Variants in CACNB3 observed in about 807,000 individuals in gnomAD.
CACNB3 encodes calcium voltage-gated channel auxiliary subunit beta 3.
Under a neutral mutation model 63.7 loss-of-function variants are expected in CACNB3, and 36 were observed. The ratio of observed to expected loss-of-function variants is 0.57; its 90% CI spans 0.43 to 0.75. CACNB3 has a LOEUF of 0.75. Among genes scored for constraint, CACNB3 ranks in the 30% least tolerant of loss-of-function variants. CACNB3 has a pLI of 0.00. For synonymous variants in CACNB3, 241 were observed against 250.6 expected, an observed-to-expected ratio of 0.96 and a Z score of 0.36; for missense variants, 493 against 648.6, an observed-to-expected ratio of 0.76 and a Z score of 2.61.
In CACNB3 at chr12:48,825,290, C is replaced by G. The variant is rs753528982; in HGVS notation, c.573+47C>G. On this transcript the variant is annotated intron_variant, in intron 7 of 12. Coordinates refer to ENST00000301050, the MANE Select transcript of CACNB3 (RefSeq NM_000725.4). This position sits in a 1 kb window ranked among gnomAD's most constrained non-coding sequence, Gnocchi z 4.5. ...CAAAGAGTCACCTCTACCAAGCCTG[C>G]CACAGGAAGTCCCTAGGGAAAGTGG... 13 of 1,589,798 alleles carry G rather than the reference C, an allele frequency of 8.2e-6. No individual in the cohort carries two copies. Among genetic ancestry groups the G allele is most frequent in the African/African-American group, 2.7e-5 (2 of 74,432 alleles).
In CACNB3 at chr12:48,828,215, T is replaced by A; in HGVS notation, c.*316T>A. On this transcript the variant is annotated 3_prime_UTR_variant, in exon 13 of 13. Coordinates refer to ENST00000301050, the MANE Select transcript of CACNB3 (RefSeq NM_000725.4). ...CAGTGCCCTCAGGCCAGGATCCCCT[T>A]AGCAGGGTCCTTCCCACCAGACTCA... 2.4e-6 allele frequency: 1 copy of A among 422,750 alleles called. No homozygotes were observed. The highest frequency in any genetic ancestry group is 4.7e-5 in the East Asian group (1 of 21,180). 26.2% of individuals were successfully genotyped at this position (422,750 alleles called of 1,614,324 possible). A position where few individuals can be genotyped will look rare whatever the true frequency, so the allele number is the denominator to read the frequency against.
At chr12:48,819,791 T>A (rs947111096) in intron 1 of CACNB3, 5 of 393,826 alleles carry the variant, frequency 1.3e-5, no homozygotes, top group Admixed American at 3.0e-5. Flanking sequence ...TTCTCCTCTT[T>A]GCTTTTATCT....
In CACNB3 at chr12:48,823,483, T is replaced by C; in HGVS notation, c.168+17T>C. On this transcript the variant is annotated intron_variant, in intron 2 of 12. Transcript: ENST00000301050. The surrounding 1 kb of genome is among the most constrained non-coding windows in gnomAD (Gnocchi z 4.2). ...AGGGCCAAGGTATACTTTCTGGGCATGGGGCAAGACAGGAGGCCAAGCTAG... is the reference window on the plus strand; with the variant it reads ...AGGGCCAAGGTATACTTTCTGGGCACGGGGCAAGACAGGAGGCCAAGCTAG... 6.2e-7 allele frequency: 1 copy of C among 1,612,762 alleles called. No individual in the cohort carries two copies. Among genetic ancestry groups the C allele is most frequent in the Middle Eastern group, 1.7e-4 (1 of 6,050 alleles).
chr12:48,827,473 A>T, intron 12 of CACNB3, 112 bp from the exon 13 acceptor site: 3 of 1,053,886 alleles, frequency 2.8e-6, no homozygotes, highest in Non-Finnish European at 4.1e-6. Flanking sequence ...TTTTCCTTGC[A>T]CTATTTCCTT....
rs201798173 is a variant in CACNB3 at position 48,827,632 on chromosome 12, G to A, written c.1188G>A (p.Glu396=). 7 of 1,613,678 alleles carry A rather than the reference G, an allele frequency of 4.3e-6. No homozygotes were observed. The East Asian group carries it at 1.3e-4, about 31-fold the overall frequency. Residue 396 remains glutamate (E), a synonymous_variant, in exon 13 of 13, where the codon GAG becomes GAA. Transcript: ENST00000301050. The part of the protein sequence containing the change: ...GERGEEHSPL[E]RDSLMPSDEA... ...GTGGCGAGGAGCACTCCCCCCTTGA[G>A]CGGGACAGCTTGATGCCCTCTGATG...
At position 48,825,465 on chromosome 12, in the gene CACNB3, A is replaced by C. The variant is rs773833479; in HGVS notation, c.605A>C (p.Asp202Ala). 1 of 1,614,120 alleles carries C rather than the reference A, an allele frequency of 6.2e-7. No homozygotes were observed. The highest frequency in any genetic ancestry group is 8.5e-7 in the Non-Finnish European group (1 of 1,180,016). ...VTDMMQKALF[D>A]FLKHRFDGRI... ...GACATGATGCAGAAGGCTCTCTTCG[A>C]CTTCCTCAAACACAGATTTGATGGC... The change falls in exon 8 of 13, where the codon GAC becomes GCC. Residue 202 changes from aspartate to alanine, a missense_variant. Coordinates refer to ENST00000301050, the MANE Select transcript of CACNB3 (RefSeq NM_000725.4). The surrounding 1 kb of genome is among the most constrained non-coding windows in gnomAD (Gnocchi z 4.5).
rs1938252594 is a variant in CACNB3 at position 48,828,178 on chromosome 12, T to G, written c.*279T>G. The G allele has an allele frequency of 2.0e-6, 1 of 507,322 alleles. No individual in the cohort carries two copies. Among genetic ancestry groups the G allele is most frequent in the African/African-American group, 1.9e-5 (1 of 51,964 alleles). The allele number at this position is 507,322 out of a possible 1,614,324, so 31.4% of individuals were successfully genotyped here. A position where few individuals can be genotyped will look rare whatever the true frequency, so the allele number is the denominator to read the frequency against. ...CTTCCTCTCCTCCCACACAGGAAGC[T>G]GCCCCACTGGGCAGTGCCCTCAGGC... is the stretch of plus-strand genomic sequence containing the variant. On this transcript the variant is annotated 3_prime_UTR_variant, in exon 13 of 13. Coordinates refer to ENST00000301050, the MANE Select transcript of CACNB3 (RefSeq NM_000725.4).
chr12:48,815,747 TG>T, upstream of CACNB3: 1 of 446,682 alleles, frequency 2.2e-6, no homozygotes, highest in Non-Finnish European at 3.6e-6. Flanking sequence ...GGGGGGGGTG[TG>T]GGGTCGTGGG....
At chr12:48,815,642 G>C (rs1363313841), upstream of CACNB3, 2 of 1,534,728 alleles carry the variant, frequency 1.3e-6, no homozygotes, top group East Asian at 2.4e-5. Flanking sequence ...CTCCCGCCTC[G>C]GAGCCCCTGG....
rs1938179618 is a variant in CACNB3 at position 48,827,062 on chromosome 12, C to T, written c.1079C>T (p.Thr360Met). 4.3e-6 allele frequency: 7 copies of T among 1,613,490 alleles called. No individual in the cohort carries two copies. Among genetic ancestry groups the T allele is most frequent in the Non-Finnish European group, 5.9e-6 (7 of 1,180,012 alleles). Residue 360 changes from threonine (T) to methionine (M), a missense_variant, in exon 12 of 13, where the codon ACG (threonine) becomes ATG (methionine). Transcript: ENST00000301050. ...AEYLEVYWRA[T>M]HHPAPGPGLL... ...TACCTGGAGGTTTACTGGCGGGCCACGCACCACCCAGCCCCTGGCCCCGGA... is the reference window on the plus strand; with the variant it reads ...TACCTGGAGGTTTACTGGCGGGCCATGCACCACCCAGCCCCTGGCCCCGGA...
upstream of CACNB3, chr12:48,815,869 G>A: frequency 7.2e-6 from 5 of 696,482 alleles, no homozygotes; most frequent in South Asian, 6.6e-5. Flanking sequence ...AGGAAGTGAG[G>A]CCAGGGGTGG....
rs1488767167 is a variant in CACNB3, at chr12:48,826,651, T to C, written c.895-108T>C. On this transcript the variant is annotated intron_variant, in intron 10 of 12. Transcript: ENST00000301050. The surrounding 1 kb of genome is among the most constrained non-coding windows in gnomAD (Gnocchi z 4.8). The stretch of plus-strand genomic sequence containing the variant: ...CCCTTAACACAACTCTGAGTCATCC[T>C]CACCTGCTACTGATGCCACAAGTGG... The C allele has an allele frequency of 2.8e-6, 4 of 1,418,192 alleles. No individual in the cohort carries two copies. Among genetic ancestry groups the C allele is most frequent in the Admixed American group, 1.7e-5 (1 of 59,042 alleles). The allele number at this position is 1,418,192 out of a possible 1,614,324, so 87.9% of individuals were successfully genotyped here. A position where few individuals can be genotyped will look rare whatever the true frequency, so the allele number is the denominator to read the frequency against.
Position 48,827,578 on chromosome 12 carries a change from C to T in CACNB3, c.1141-7C>T. The T allele has an allele frequency of 1.2e-6, 2 of 1,609,574 alleles. No individual in the cohort carries two copies. The highest frequency in any genetic ancestry group is 1.7e-6 in the Non-Finnish European group (2 of 1,177,722). ...TGCCTCACTGAGAGCTGTTGTATGG[C>T]CCCCAGAACCAGCAGCTGCTGGGGG... On this transcript the variant is annotated splice_region_variant and splice_polypyrimidine_tract_variant and intron_variant, in intron 12 of 12. Coordinates refer to ENST00000301050, the MANE Select transcript of CACNB3 (RefSeq NM_000725.4).
upstream of CACNB3, chr12:48,814,544 C>G: frequency 6.5e-7 from 1 of 1,527,556 alleles, no homozygotes; most frequent in East Asian, 2.5e-5. This position sits in a 1 kb window ranked among gnomAD's most constrained non-coding sequence, Gnocchi z 6.9. Flanking sequence ...CCCTCGAGAC[C>G]AGGATGGAGG....
rs1937969095 is a variant in CACNB3, at chr12:48,823,611, G to A, written c.169-70G>A. ...TGGGCAGAGGCCACGGCCTTCTGCT[G>A]TTGGGGCACTGAAGCTGGAAGGGGT... On this transcript the variant is annotated intron_variant, in intron 2 of 12. Coordinates refer to ENST00000301050, the MANE Select transcript of CACNB3 (RefSeq NM_000725.4). The surrounding 1 kb of genome is among the most constrained non-coding windows in gnomAD (Gnocchi z 4.2). 3.7e-6 allele frequency: 6 copies of A among 1,611,824 alleles called. No individual in the cohort carries two copies. The highest frequency in any genetic ancestry group is 5.1e-6 in the Non-Finnish European group (6 of 1,178,646).
intron 1 of CACNB3, chr12:48,819,502 C>G (rs1169885289): frequency 6.5e-6 from 2 of 309,976 alleles, no homozygotes; most frequent in Non-Finnish European, 6.5e-6. Context: ...CTCCATTATT[C>G]CCTTCCACCC....
At chr12:48,824,914 A>C in intron 5 of CACNB3, 35 bp from the exon 6 acceptor site, 1 of 1,612,950 alleles carries the variant, frequency 6.2e-7, no homozygotes, top group African/African-American at 1.3e-5. Flanking sequence ...TTCCCCCTTC[A>C]CCAACTTTAA....
rs778788879 is a variant in CACNB3, at chr12:48,819,597, A to G, written c.45+623A>G. The G allele has an allele frequency of 9.5e-6, 4 of 419,218 alleles. 1 individual carries two copies. Among genetic ancestry groups the G allele is most frequent in the South Asian group, 6.6e-5 (4 of 60,286 alleles). 26.0% of individuals were successfully genotyped at this position (419,218 alleles called of 1,614,324 possible). ...AGGCTGAAACCTGGGCGCCCAGCAC[A>G]TGGGTAGGCCAGGTGACTGAGCCCC... On this transcript the variant is annotated intron_variant, in intron 1 of 12. Transcript: ENST00000301050.
Position 48,827,826 on chromosome 12 carries a change from C to A in CACNB3, c.1382C>A (p.Ala461Asp), listed in dbSNP as rs199828500. ...CATGACCCCCAAGACCGGCTTCTAG[C>A]CCAGGACTCAGAGCACAACCACAGT... is the stretch of plus-strand genomic sequence containing the variant. The part of the protein sequence containing the change: ...NGHDPQDRLL[A>D]QDSEHNHSDR... The change falls in exon 13 of 13, where the codon GCC becomes GAC. Residue 461 changes from alanine to aspartate, a missense_variant. Transcript: ENST00000301050. 3 of 1,614,156 alleles carry A rather than the reference C, an allele frequency of 1.9e-6. No individual in the cohort carries two copies. Among genetic ancestry groups the A allele is most frequent in the Non-Finnish European group, 2.5e-6 (3 of 1,180,016 alleles).
Sources: allele counts gnomAD v4.1 joint callset, GRCh38; gene constraint gnomAD v4.1.1; non-coding constraint Gnocchi (gnomAD v3.1); transcripts MANE v1.5; gene names NCBI Gene and HGNC (gene_info 2026-07-23, HGNC 2026-07-21).